The following PLXDC1 variants were observed in gnomAD, a reference collection of about 807,000 sequenced individuals.
PLXDC1 encodes the protein plexin domain-containing protein 1.
PLXDC1 carries 39 observed loss-of-function variants against 61.3 expected under a neutral mutation model. That is an observed-to-expected ratio of 0.64 (90% CI 0.49 to 0.83). The LOEUF (loss-of-function observed/expected upper bound fraction) is 0.83, where lower values mean the gene tolerates loss of function less well. Among genes scored for constraint, PLXDC1 ranks in the 40% least tolerant of loss-of-function variants. The pLI, the probability that PLXDC1 is intolerant of heterozygous loss-of-function variation, is 0.00. For missense variants in PLXDC1, 596 were observed against 666.5 expected, an observed-to-expected ratio of 0.89 and a Z score of 1.17; for synonymous variants, 212 against 254.5, an observed-to-expected ratio of 0.83 and a Z score of 1.59.
chr17:39,128,139 G>GTATATATATA (rs1382149776), intron 2 of PLXDC1, among the ~76,000 whole-genome samples: 1 of 95,088 alleles, frequency 1.1e-5, no homozygotes, highest in South Asian at 3.3e-4. Context: ...GTATATATAT[G>GTATATATATA]TATATATATG....
intron 1 of PLXDC1, among the ~76,000 whole-genome samples, chr17:39,145,722 C>A (rs765510267): frequency 5.9e-5 from 9 of 152,192 alleles, no homozygotes; most frequent in Non-Finnish European, 8.8e-5. Flanking sequence ...TCCCTTGGAA[C>A]TTCATTGTAG....
chr17:39,099,518 GCAGCCTGGGGAGTTTGCACACCC>G (rs1435976974), intron 7 of PLXDC1, among the ~76,000 whole-genome samples: 3 of 152,162 alleles, frequency 2.0e-5, no homozygotes, highest in African/African-American at 7.2e-5. Context: ...GTCCCAAGAA[GCAGCCTGGGGAGTTTGCACACCC>G]CACTCTGTGG....
In PLXDC1 at chr17:39,151,487, G is replaced by T; in HGVS notation, c.-50C>A. 8.1e-7 allele frequency: 1 copy of T among 1,235,222 alleles called. No homozygotes were observed. The highest frequency in any genetic ancestry group is 1.0e-6 in the Non-Finnish European group (1 of 988,720). The allele number at this position is 1,235,222 out of a possible 1,614,324, so 76.5% of individuals were successfully genotyped here. Reference sequence around the variant, plus strand: ...GCCTGCTTGCTGCCCCGGTCCTGACGAGGGAGGGGGCCCTGGCTCAGGCTG... The same window carrying T: ...GCCTGCTTGCTGCCCCGGTCCTGACTAGGGAGGGGGCCCTGGCTCAGGCTG... On this transcript the variant is annotated 5_prime_UTR_variant, in exon 1 of 14. Coordinates refer to ENST00000315392, the MANE Select transcript of PLXDC1 (RefSeq NM_020405.5). This position sits in a 1 kb window ranked among gnomAD's most constrained non-coding sequence, Gnocchi z 5.2.
chr17:39,140,596 C>T (rs1403237959), intron 1 of PLXDC1, among the ~76,000 whole-genome samples: 1 of 152,230 alleles, frequency 6.6e-6, no homozygotes, highest in African/African-American at 2.4e-5. Flanking sequence ...TGAGCCACCG[C>T]GCCTAGCCTC....
chr17:39,102,989 G>T (rs1910474627), intron 7 of PLXDC1, among the ~76,000 whole-genome samples: 1 of 152,126 alleles, frequency 6.6e-6, no homozygotes, highest in Non-Finnish European at 1.5e-5. Flanking sequence ...GGCCAAGGAG[G>T]GTGGATCACA....
At chr17:39,097,799 G>A (rs1910266022) in intron 7 of PLXDC1, among the ~76,000 whole-genome samples, 1 of 151,704 alleles carries the variant, frequency 6.6e-6, no homozygotes, top group African/African-American at 2.4e-5. Flanking sequence ...CTACTCAGGA[G>A]GCTGAGGCAG....
At chr17:39,089,620 AC>A (rs2071341527) in intron 7 of PLXDC1, among the ~76,000 whole-genome samples, 1 of 152,140 alleles carries the variant, frequency 6.6e-6, no homozygotes. Context: ...GTGGGGACAT[AC>A]GTTTCTCGCT....
intron 9 of PLXDC1, among the ~76,000 whole-genome samples, chr17:39,082,366 A>G (rs1216439628): frequency 6.6e-6 from 1 of 152,142 alleles, no homozygotes; most frequent in Non-Finnish European, 1.5e-5. Context: ...AAGCCTGGCC[A>G]AACTCTTGGT....
At chr17:39,098,080 C>T (rs918942448) in intron 7 of PLXDC1, among the ~76,000 whole-genome samples, 4 of 151,654 alleles carry the variant, frequency 2.6e-5, no homozygotes, top group Admixed American at 6.6e-5. Flanking sequence ...TGGCGGGCAC[C>T]TATAATCACA....
intron 8 of PLXDC1, among the ~76,000 whole-genome samples, chr17:39,085,983 C>T (rs1300228835): frequency 6.6e-6 from 1 of 152,104 alleles, no homozygotes; most frequent in Admixed American, 6.5e-5. Context: ...ACCTACTGAC[C>T]TTTATTTCTC....
chr17:39,091,958 C>CAAAAAAAAAAAAAAA, intron 7 of PLXDC1, among the ~76,000 whole-genome samples: 1 of 105,386 alleles, frequency 9.5e-6, no homozygotes, highest in Non-Finnish European at 1.9e-5. Context: ...GACTCTATCT[C>CAAAAAAAAAAAAAAA]AAAAAAAAAA....
chr17:39,100,384 T>C (rs1910380575), intron 7 of PLXDC1, among the ~76,000 whole-genome samples: 1 of 152,182 alleles, frequency 6.6e-6, no homozygotes, highest in African/African-American at 2.4e-5. Context: ...GCCTCCCAAG[T>C]AGCTGGGATT....
intron 9 of PLXDC1, chr17:39,081,313 C>G (rs1188318761): frequency 6.6e-6 from 1 of 152,436 alleles, no homozygotes; most frequent in Non-Finnish European, 1.5e-5. Context: ...ATGCTGAATG[C>G]TTTGTAAAAA....
intron 1 of PLXDC1, among the ~76,000 whole-genome samples, chr17:39,146,872 AAAG>A (rs1451444036): frequency 6.6e-6 from 1 of 151,610 alleles, no homozygotes; most frequent in Non-Finnish European, 1.5e-5. Flanking sequence ...GAAAAAAAAA[AAAG>A]AAGGATTAAG....
At chr17:39,111,029 G>C (rs2143701124) in intron 2 of PLXDC1, among the ~76,000 whole-genome samples, 1 of 152,224 alleles carries the variant, frequency 6.6e-6, no homozygotes, top group South Asian at 2.1e-4. Context: ...CTGTCCTCGA[G>C]ACGAAAACCA....
chr17:39,097,771 A>G (rs8078315), intron 7 of PLXDC1, among the ~76,000 whole-genome samples: 41,873 of 151,070 alleles, frequency 0.28, 6,261 homozygotes, highest in Non-Finnish European at 0.34. Context: ...GCATGGTGGT[A>G]CACATCTATA....
chr17:39,089,983 G>A (rs1379835500), intron 7 of PLXDC1, among the ~76,000 whole-genome samples: 2 of 152,108 alleles, frequency 1.3e-5, no homozygotes, highest in Admixed American at 1.3e-4. Flanking sequence ...ATTTTTGGTA[G>A]AGAGGGGGTT....
Position 39,139,844 on chromosome 17 carries a change from G to C in PLXDC1, c.77-12C>G. Reference sequence around the variant, plus strand: ...GCCCTCATCGTGACCTGGGAGAAGGGGACAGAAACCTGAGTGCCAGCAGTC... The same window carrying C: ...GCCCTCATCGTGACCTGGGAGAAGGCGACAGAAACCTGAGTGCCAGCAGTC... On this transcript the variant is annotated splice_polypyrimidine_tract_variant and intron_variant, in intron 1 of 13. Transcript: ENST00000315392. The C allele has an allele frequency of 6.3e-7, 1 of 1,588,020 alleles. No homozygotes were observed. The highest frequency in any genetic ancestry group is 1.1e-5 in the South Asian group (1 of 88,892).
intron 2 of PLXDC1, among the ~76,000 whole-genome samples, chr17:39,125,926 G>A (rs993456122): frequency 7.9e-5 from 12 of 151,940 alleles, no homozygotes; most frequent in African/African-American, 2.2e-4. Flanking sequence ...CCTCTGCTTC[G>A]TAGCCTTTGG....
Sources: gnomAD v4.1 joint callset for allele counts (sites outside exome capture counted in the v4.1 genomes callset) on GRCh38, gnomAD v4.1.1 for gene constraint, Gnocchi (gnomAD v3.1) non-coding constraint, MANE v1.5 for transcripts, NCBI Gene and HGNC (gene_info 2026-07-23, HGNC 2026-07-21) for gene names.